Variants in TRHDE observed in about 807,000 individuals in gnomAD.
TRHDE encodes the protein thyrotropin releasing hormone degrading enzyme.
A neutral mutation model predicts 125.7 loss-of-function variants in TRHDE; 72 were observed. The ratio of observed to expected loss-of-function variants is 0.57; its 90% CI spans 0.47 to 0.70. The LOEUF is 0.70. TRHDE is among the 30% of genes least tolerant of loss of function. The probability of loss-of-function intolerance (pLI) is 0.00; values close to 1 mark genes in which losing one functional copy is unlikely to be tolerated. For synonymous variants in TRHDE, 509 were observed against 509.1 expected, an observed-to-expected ratio of 1.00 and a Z score of 0.00; for missense variants, 1,110 against 1,327.1, an observed-to-expected ratio of 0.84 and a Z score of 2.54.
intron 2 of TRHDE, among the ~76,000 whole-genome samples, chr12:72,245,156 G>A (rs1370613863): frequency 6.6e-6 from 1 of 151,860 alleles, no homozygotes; most frequent in Non-Finnish European, 1.5e-5. Flanking sequence ...CTCATTAGTT[G>A]TGCGGCATAA....
chr12:72,227,419 A>G (rs1018473608), intron 2 of TRHDE, among the ~76,000 whole-genome samples: 3 of 152,128 alleles, frequency 2.0e-5, no homozygotes, highest in Admixed American at 1.3e-4. Flanking sequence ...CTTATTCACT[A>G]TCACAAGAAC....
intron 5 of TRHDE, among the ~76,000 whole-genome samples, chr12:72,491,137 A>G (rs1404487694): frequency 6.6e-6 from 1 of 151,962 alleles, no homozygotes; most frequent in Non-Finnish European, 1.5e-5. Context: ...AAAGAATACA[A>G]TCAATTCATA....
At chr12:72,597,389 C>T (rs1871986292) in intron 12 of TRHDE, among the ~76,000 whole-genome samples, 1 of 151,766 alleles carries the variant, frequency 6.6e-6, no homozygotes, top group Admixed American at 6.6e-5. Flanking sequence ...AGAGAGGGGC[C>T]AGGCATGGTG....
intron 2 of TRHDE, among the ~76,000 whole-genome samples, chr12:72,184,017 C>G (rs1368673030): frequency 6.6e-6 from 1 of 152,072 alleles, no homozygotes; most frequent in Non-Finnish European, 1.5e-5. Context: ...CTGTAAAATA[C>G]AAATGTTTAG....
chr12:72,642,839 G>C (rs1874120924), intron 15 of TRHDE, among the ~76,000 whole-genome samples: 1 of 152,014 alleles, frequency 6.6e-6, no homozygotes, highest in Non-Finnish European at 1.5e-5. Context: ...GGTTCTGTGG[G>C]GTGTTTTTAG....
chr12:72,653,207 G>A (rs1244482625), intron 17 of TRHDE, 51 bp downstream of exon 17: 10 of 1,501,586 alleles, frequency 6.7e-6, no homozygotes, highest in Admixed American at 6.0e-5. Context: ...CGACATAGGA[G>A]GAATAAAGGC....
At position 72,652,499 on chromosome 12, in the gene TRHDE, C is replaced by A. The variant is rs1874546415; in HGVS notation, c.2843+10C>A. On this transcript the variant is annotated intron_variant, in intron 16 of 18. Transcript: ENST00000261180. ...GGAATTTATTAAACAGGTAGGCCGACTGATTTTCTAAATGTGTTTCTCTAA... is the reference window on the plus strand; with the variant it reads ...GGAATTTATTAAACAGGTAGGCCGAATGATTTTCTAAATGTGTTTCTCTAA... 3 of 1,572,786 alleles carry A rather than the reference C, an allele frequency of 1.9e-6. No homozygotes were observed. Among genetic ancestry groups the A allele is most frequent in the African/African-American group, 1.4e-5 (1 of 72,886 alleles).
chr12:72,308,735 T>C (rs2135696947), intron 2 of TRHDE, among the ~76,000 whole-genome samples: 1 of 152,310 alleles, frequency 6.6e-6, no homozygotes, highest in South Asian at 2.1e-4. Flanking sequence ...CTATCTATTT[T>C]TCAAAACTGT....
At chr12:72,655,074 G>A (rs572343820) in intron 17 of TRHDE, among the ~76,000 whole-genome samples, 1 of 151,928 alleles carries the variant, frequency 6.6e-6, no homozygotes, top group Non-Finnish European at 1.5e-5. Context: ...TGTTGTTGTT[G>A]TTGTTGTTTG....
chr12:72,158,202 A>C (rs920328596), intron 2 of TRHDE, among the ~76,000 whole-genome samples: 4 of 152,224 alleles, frequency 2.6e-5, no homozygotes, highest in African/African-American at 9.6e-5. Context: ...GAATTTTTTT[A>C]TTTTTTCTGT....
At chr12:72,618,845 C>T in intron 12 of TRHDE, 46 bp from the exon 13 acceptor site, 1 of 1,399,648 alleles carries the variant, frequency 7.1e-7, no homozygotes, top group Non-Finnish European at 9.4e-7. Context: ...AAGTAAAAAT[C>T]TTCGTTTGTG....
Position 72,568,671 on chromosome 12 carries a change from C to T in TRHDE, c.2131+15C>T. 6.4e-7 allele frequency: 1 copy of T among 1,557,188 alleles called. No individual in the cohort carries two copies. The highest frequency in any genetic ancestry group is 1.7e-5 in the Admixed American group (1 of 59,402). Reference sequence around the variant, plus strand: ...TAACAAATCAGGTAAACTATATATTCTCCCCTGAGGAAGTATCTGGTTTCA... The same window carrying T: ...TAACAAATCAGGTAAACTATATATTTTCCCCTGAGGAAGTATCTGGTTTCA... On this transcript the variant is annotated intron_variant, in intron 10 of 18. Transcript: ENST00000261180.
chr12:72,587,411 A>G (rs1871485025), intron 12 of TRHDE, among the ~76,000 whole-genome samples: 1 of 152,176 alleles, frequency 6.6e-6, no homozygotes, highest in Non-Finnish European at 1.5e-5. Flanking sequence ...CAGCGTAGAC[A>G]TTAATGAATT....
intron 12 of TRHDE, chr12:72,611,353 T>C (rs1872626623): frequency 6.5e-6 from 1 of 153,156 alleles, no homozygotes; most frequent in South Asian, 2.1e-4. Flanking sequence ...CAAGCAAATC[T>C]CCTTCAACAT....
chr12:72,109,226 G>A (rs1875261288), intron 2 of TRHDE, among the ~76,000 whole-genome samples: 1 of 151,902 alleles, frequency 6.6e-6, no homozygotes, highest in African/African-American at 2.4e-5. Flanking sequence ...CATCAATTTG[G>A]CCCACCTTAA....
chr12:72,330,575 T>C (rs2135719243), intron 2 of TRHDE, among the ~76,000 whole-genome samples: 1 of 152,246 alleles, frequency 6.6e-6, no homozygotes, highest in African/African-American at 2.4e-5. Flanking sequence ...GGCAATTGGA[T>C]AAGCAATTAA....
chr12:72,599,261 G>A lies in TRHDE; in HGVS notation c.2322-19630G>A, dbSNP rs186950781. The stretch of plus-strand genomic sequence containing the variant: ...ATATACCTAGTAATGAGATTGCTGG[G>A]TCAAATGGTAGTTCTGGATTATTTG... On this transcript the variant is annotated intron_variant, in intron 12 of 18. Transcript: ENST00000261180. 7.6e-4 allele frequency among the ~76,000 whole-genome samples: 115 copies of A among 152,172 alleles called. 2 individuals carry two copies. The East Asian group carries it at 0.02, about 27-fold the overall frequency.
chr12:72,652,017 G>T (rs897713531), intron 15 of TRHDE, among the ~76,000 whole-genome samples: 3 of 151,878 alleles, frequency 2.0e-5, no homozygotes, highest in African/African-American at 7.2e-5. Context: ...TTGGTGAAAA[G>T]ATAAAGTGCC....
intron 3 of TRHDE, among the ~76,000 whole-genome samples, chr12:72,381,649 G>A (rs530035090): frequency 6.6e-6 from 1 of 152,218 alleles, no homozygotes; most frequent in Non-Finnish European, 1.5e-5. Flanking sequence ...GCCCGCCTCG[G>A]CCTCCCAAAG....
Sources: allele counts gnomAD v4.1 joint callset (sites outside exome capture counted in the v4.1 genomes callset), GRCh38; gene constraint gnomAD v4.1.1; transcripts MANE v1.5; gene names NCBI Gene and HGNC (gene_info 2026-07-23, HGNC 2026-07-21).